The following HPCAL1 variants were observed in gnomAD, a reference collection of about 807,000 sequenced individuals.
The protein encoded by HPCAL1 is hippocalcin like 1.
In HPCAL1, 8 loss-of-function variants were observed where a neutral mutation model predicts 17.1. The observed-to-expected ratio is 0.47, with a 90% CI of 0.27 to 0.84. HPCAL1 has a LOEUF of 0.84. Ranked by LOEUF, HPCAL1 falls within the 40% of genes least tolerant of loss-of-function variation. The pLI is 0.13. For missense variants in HPCAL1, 165 were observed against 271.1 expected, an observed-to-expected ratio of 0.61 and a Z score of 2.75; for synonymous variants, 112 against 111.4, an observed-to-expected ratio of 1.01 and a Z score of -0.03.
In HPCAL1 at chr2:10,377,351, C is replaced by G. The variant is rs12466783; in HGVS notation, c.-110-19484C>G. On this transcript the variant is annotated intron_variant, in intron 1 of 4. Coordinates refer to ENST00000307845, the MANE Select transcript of HPCAL1 (RefSeq NM_002149.4). This position sits in a 1 kb window ranked among gnomAD's most constrained non-coding sequence, Gnocchi z 5.9. ...ACTGCTTCACACCAGCAGTGCTTTA[C>G]CTGGAAAGGTGTCTGAACAGTGCTT... 0.11 allele frequency among the ~76,000 whole-genome samples: 16,078 copies of G among 152,246 alleles called. 1,773 individuals are homozygous for G. Among genetic ancestry groups the G allele is most frequent in the East Asian group, 0.49 (2,499 of 5,142 alleles).
chr2:10,329,466 G>A (rs1341056643), intron 1 of HPCAL1, among the ~76,000 whole-genome samples: 2 of 152,192 alleles, frequency 1.3e-5, no homozygotes, highest in African/African-American at 4.8e-5. Flanking sequence ...TGCTGGCTCT[G>A]CTGACAGGAA....
chr2:10,366,473 G>A (rs1666864432), intron 1 of HPCAL1, among the ~76,000 whole-genome samples: 1 of 152,002 alleles, frequency 6.6e-6, no homozygotes, highest in Non-Finnish European at 1.5e-5. Flanking sequence ...TGACCTCAGG[G>A]GATCCACCTG....
chr2:10,317,227 A>G (rs1407604378), intron 1 of HPCAL1, among the ~76,000 whole-genome samples: 2 of 152,128 alleles, frequency 1.3e-5, no homozygotes, highest in African/African-American at 2.4e-5. Context: ...TTTCTGACAT[A>G]ATTTTGTCCT....
chr2:10,333,293 C>T (rs542893167), intron 1 of HPCAL1, among the ~76,000 whole-genome samples: 2 of 152,336 alleles, frequency 1.3e-5, no homozygotes, highest in South Asian at 4.1e-4. Flanking sequence ...ATGTTTGTGT[C>T]TGTCTTGGGG....
chr2:10,309,561 G>C (rs1018497290), intron 1 of HPCAL1, among the ~76,000 whole-genome samples: 1 of 152,156 alleles, frequency 6.6e-6, no homozygotes. Flanking sequence ...TCCTTCTAGG[G>C]CATGAGTGCT....
intron 2 of HPCAL1, among the ~76,000 whole-genome samples, chr2:10,412,125 G>A (rs985033301): frequency 6.6e-6 from 1 of 152,202 alleles, no homozygotes; most frequent in African/African-American, 2.4e-5. Flanking sequence ...GGATGTCACC[G>A]CAGGAGACGA....
chr2:10,367,260 G>A lies in HPCAL1; in HGVS notation c.-110-29575G>A, dbSNP rs370565361. Among the ~76,000 whole-genome samples, 14 of 152,096 alleles carry A rather than the reference G, an allele frequency of 9.2e-5. No homozygotes were observed. In the East Asian group the frequency reaches 2.5e-3, roughly 27 times the overall value. ...ATACAGATGACGGGCGGATGGTAGTGTTGTTTTAAGGGGGGATTTTGTTGC... is the reference window on the plus strand; with the variant it reads ...ATACAGATGACGGGCGGATGGTAGTATTGTTTTAAGGGGGGATTTTGTTGC... On this transcript the variant is annotated intron_variant, in intron 1 of 4. Transcript: ENST00000307845. This position sits in a 1 kb window ranked among gnomAD's most constrained non-coding sequence, Gnocchi z 4.4.
At chr2:10,396,432 G>A (rs1048533700) in intron 1 of HPCAL1, among the ~76,000 whole-genome samples, 1 of 152,166 alleles carries the variant, frequency 6.6e-6, no homozygotes, top group Admixed American at 6.5e-5. Context: ...AGTGTAGAGT[G>A]CTGGGTGAGG....
intron 1 of HPCAL1, among the ~76,000 whole-genome samples, chr2:10,339,808 G>T (rs991276038): frequency 1.3e-5 from 2 of 152,230 alleles, no homozygotes; most frequent in Non-Finnish European, 2.9e-5. Context: ...CCGGCAGGAC[G>T]TAGCAACAGG....
intron 1 of HPCAL1, among the ~76,000 whole-genome samples, chr2:10,351,073 A>G (rs1665816101): frequency 6.6e-6 from 1 of 152,246 alleles, no homozygotes; most frequent in African/African-American, 2.4e-5. Context: ...CTAGGCATAT[A>G]AGAATGAAAG....
chr2:10,317,449 A>T (rs955446860), intron 1 of HPCAL1, among the ~76,000 whole-genome samples: 1 of 148,400 alleles, frequency 6.7e-6, no homozygotes, highest in Admixed American at 6.8e-5. Flanking sequence ...ACAGGGTCTC[A>T]GTCTGCCTCT....
In HPCAL1 at chr2:10,342,586, AT is replaced by A. The variant is rs1665165976; in HGVS notation, c.-111+39411del. Among the ~76,000 whole-genome samples, 8 of 152,310 alleles carry A rather than the reference AT, an allele frequency of 5.3e-5. No homozygotes were observed. In the South Asian group the frequency reaches 1.7e-3, roughly 32 times the overall value. ...TGCCAGACTTTTGGCAGGGGAGGAAATTGAGGTGAAAGCATTCCAGGCCTAG... is the reference window on the plus strand; with the variant it reads ...TGCCAGACTTTTGGCAGGGGAGGAAATGAGGTGAAAGCATTCCAGGCCTAG... On this transcript the variant is annotated intron_variant, in intron 1 of 4. Transcript: ENST00000307845. The surrounding 1 kb of genome is among the most constrained non-coding windows in gnomAD (Gnocchi z 4.1).
chr2:10,418,446 C>CAAAAAAAAAAAAA (rs58884767), intron 2 of HPCAL1, among the ~76,000 whole-genome samples: 1 of 60,166 alleles, frequency 1.7e-5, no homozygotes, highest in Non-Finnish European at 3.0e-5. Flanking sequence ...GACTCCATCT[C>CAAAAAAAAAAAAA]AAAAAAAAAA....
intron 2 of HPCAL1, among the ~76,000 whole-genome samples, chr2:10,415,234 C>T (rs1670588054): frequency 6.6e-6 from 1 of 152,116 alleles, no homozygotes; most frequent in African/African-American, 2.4e-5. Context: ...CTGGGTGTGC[C>T]TCACGCTGCC....
chr2:10,402,576 G>A (rs1368343251), intron 2 of HPCAL1, among the ~76,000 whole-genome samples: 5 of 152,186 alleles, frequency 3.3e-5, no homozygotes, highest in African/African-American at 4.8e-5. Flanking sequence ...TGGGGCCACC[G>A]AGGGCGGCTG....
At chr2:10,375,019 G>A (rs912074476) in intron 1 of HPCAL1, among the ~76,000 whole-genome samples, 1 of 152,166 alleles carries the variant, frequency 6.6e-6, no homozygotes, top group Admixed American at 6.5e-5. Context: ...TTGGCAGAGA[G>A]CTGGGAGCCT....
chr2:10,400,363 G>A (rs1463328627), intron 2 of HPCAL1, among the ~76,000 whole-genome samples: 1 of 152,252 alleles, frequency 6.6e-6, no homozygotes, highest in Non-Finnish European at 1.5e-5. Flanking sequence ...CCAGGCTTAA[G>A]AGATCATTGT....
intron 1 of HPCAL1, among the ~76,000 whole-genome samples, chr2:10,352,424 G>T (rs113527501): frequency 6.6e-6 from 1 of 152,086 alleles, no homozygotes. Flanking sequence ...AAACTTTTCC[G>T]TTCTAGTCTT....
At chr2:10,376,708 A>T (rs1038829516) in intron 1 of HPCAL1, among the ~76,000 whole-genome samples, 2 of 152,148 alleles carry the variant, frequency 1.3e-5, no homozygotes, top group African/African-American at 4.8e-5. Flanking sequence ...AAGTGCTGGG[A>T]TTACAGGTGT....
Sources: gnomAD v4.1 joint callset for allele counts (sites outside exome capture counted in the v4.1 genomes callset) on GRCh38, gnomAD v4.1.1 for gene constraint, Gnocchi (gnomAD v3.1) non-coding constraint, MANE v1.5 for transcripts, NCBI Gene and HGNC (gene_info 2026-07-23, HGNC 2026-07-21) for gene names.